Variants in PCDH9 observed in about 807,000 individuals in gnomAD.
PCDH9 encodes the protein protocadherin-9.
Under a neutral mutation model 70.6 loss-of-function variants are expected in PCDH9, and 24 were observed. That is an observed-to-expected ratio of 0.34 (90% CI 0.25 to 0.48). The LOEUF is 0.48. Among genes scored for constraint, PCDH9 ranks in the 20% least tolerant of loss-of-function variants. The pLI, the probability that PCDH9 is intolerant of heterozygous loss-of-function variation, is 0.99. For synonymous variants in PCDH9, 562 were observed against 558.5 expected (o/e 1.01, Z -0.09); for missense variants, 1,281 against 1,503.6 (o/e 0.85, Z 2.45).
At chr13:66,377,511 T>C (rs183620670) in intron 4 of PCDH9, among the ~76,000 whole-genome samples, 80 of 152,226 alleles carry the variant, frequency 5.3e-4, no homozygotes, top group African/African-American at 1.8e-3. Flanking sequence ...AAAAAAAAGA[T>C]ATGCTGAATT....
rs1955823482 is a variant in PCDH9 at position 66,325,315 on chromosome 13, T to C, written c.3341-20287A>G. ...CTATTAAGATGAGAAGGATAAGCGC[T>C]GGTCTTTAGGTCTCTAACTGATTGC... On this transcript the variant is annotated intron_variant, in intron 4 of 4. Transcript: ENST00000377865. Among the ~76,000 whole-genome samples the C allele has an allele frequency of 1.3e-5, 2 of 152,058 alleles. 1 individual carries two copies. The highest frequency in any genetic ancestry group is 4.1e-4 in the South Asian group (2 of 4,836).
intron 3 of PCDH9, among the ~76,000 whole-genome samples, chr13:66,802,197 A>G (rs2080337714): frequency 1.3e-5 from 2 of 151,886 alleles, no homozygotes; most frequent in South Asian, 2.1e-4. Context: ...AGTATTAATC[A>G]AAGTTTCATC....
At chr13:66,806,622 T>C (rs748468364) in intron 3 of PCDH9, among the ~76,000 whole-genome samples, 1 of 152,132 alleles carries the variant, frequency 6.6e-6, no homozygotes, top group Non-Finnish European at 1.5e-5. Flanking sequence ...AGCAGCATCG[T>C]TTCTGGGTTT....
chr13:66,451,403 C>T lies in PCDH9; in HGVS notation c.3341-146375G>A, dbSNP rs1355826171. Among the ~76,000 whole-genome samples, 4 of 152,132 alleles carry T rather than the reference C, an allele frequency of 2.6e-5. No individual in the cohort carries two copies. In the East Asian group the frequency reaches 7.7e-4, roughly 29 times the overall value. Reference sequence around the variant, plus strand: ...GGGGTCTATTATTTCAACAAATTTCCAAGGTAGCTGCTATGGGGATATTTT... The same window carrying T: ...GGGGTCTATTATTTCAACAAATTTCTAAGGTAGCTGCTATGGGGATATTTT... On this transcript the variant is annotated intron_variant, in intron 4 of 4. Coordinates refer to ENST00000377865, the MANE Select transcript of PCDH9 (RefSeq NM_203487.3).
At chr13:66,960,885 A>G (rs941401628) in intron 2 of PCDH9, among the ~76,000 whole-genome samples, 1 of 152,138 alleles carries the variant, frequency 6.6e-6, no homozygotes, top group African/African-American at 2.4e-5. Context: ...TTTTGTTTCT[A>G]TTGAAGGTTA....
chr13:66,737,605 G>A (rs2079173436), intron 3 of PCDH9, among the ~76,000 whole-genome samples: 1 of 152,192 alleles, frequency 6.6e-6, no homozygotes, highest in Non-Finnish European at 1.5e-5. Context: ...TCACTAGGGA[G>A]TGCCAGACAG....
At chr13:66,810,171 T>C (rs2080479007) in intron 3 of PCDH9, among the ~76,000 whole-genome samples, 1 of 152,184 alleles carries the variant, frequency 6.6e-6, no homozygotes. Flanking sequence ...ATTAGCCTTT[T>C]TTCTGTTAAC....
intron 4 of PCDH9, among the ~76,000 whole-genome samples, chr13:66,340,868 T>C (rs1045262159): frequency 6.6e-6 from 1 of 152,142 alleles, no homozygotes; most frequent in African/African-American, 2.4e-5. Context: ...GTAGATTTTC[T>C]GAATGCCTTA....
intron 4 of PCDH9, among the ~76,000 whole-genome samples, chr13:66,413,387 C>G (rs902798065): frequency 6.6e-6 from 1 of 152,058 alleles, no homozygotes; most frequent in African/African-American, 2.4e-5. Context: ...ATTAAATTGT[C>G]TAAGAATCCT....
At chr13:66,988,150 C>T (rs1317606310) in intron 2 of PCDH9, among the ~76,000 whole-genome samples, 1 of 151,898 alleles carries the variant, frequency 6.6e-6, no homozygotes, top group Non-Finnish European at 1.5e-5. Flanking sequence ...ATCCTTGCAC[C>T]TTGGGAACTT....
chr13:66,561,364 C>G (rs1488055136), intron 4 of PCDH9, among the ~76,000 whole-genome samples: 1 of 152,220 alleles, frequency 6.6e-6, no homozygotes, highest in Non-Finnish European at 1.5e-5. Flanking sequence ...CCCCTTGCTC[C>G]ACTGCACCCA....
intron 2 of PCDH9, among the ~76,000 whole-genome samples, chr13:66,959,173 C>T (rs1287034289): frequency 6.6e-6 from 1 of 151,970 alleles, no homozygotes; most frequent in East Asian, 1.9e-4. Context: ...ATAAAAACAC[C>T]TATTTGAAGG....
At chr13:66,654,648 AT>A (rs1382276849) in intron 3 of PCDH9, among the ~76,000 whole-genome samples, 1 of 152,128 alleles carries the variant, frequency 6.6e-6, no homozygotes, top group East Asian at 1.9e-4. Flanking sequence ...CTGAAAATTC[AT>A]TTGAGTTGAC....
At chr13:66,943,004 C>CTT (rs142364478) in intron 2 of PCDH9, among the ~76,000 whole-genome samples, 17,104 of 151,858 alleles carry the variant, frequency 0.11, 1,111 homozygotes, top group East Asian at 0.28. Flanking sequence ...AAACCTGAGG[C>CTT]TTTACTTAAC....
chr13:67,040,558 C>T (rs2085092098), intron 2 of PCDH9, among the ~76,000 whole-genome samples: 1 of 152,140 alleles, frequency 6.6e-6, no homozygotes, highest in Non-Finnish European at 1.5e-5. Flanking sequence ...CAGAACCCAA[C>T]CAGGCTGACA....
intron 3 of PCDH9, among the ~76,000 whole-genome samples, chr13:66,727,362 A>G (rs2079019009): frequency 6.6e-6 from 1 of 152,170 alleles, no homozygotes; most frequent in African/African-American, 2.4e-5. Flanking sequence ...AGGAGAGTTC[A>G]TGTTTTTAAT....
At chr13:67,223,373 G>A (rs1229448343) in intron 2 of PCDH9, 1 of 151,988 alleles carries the variant, frequency 6.6e-6, no homozygotes. Flanking sequence ...ACCACGTATA[G>A]ACAGAAAAAA....
In PCDH9 at chr13:66,903,524, TCTC is replaced by T. The variant is rs1385207307; in HGVS notation, c.3115_3117del (p.Glu1039del). 6.5e-7 allele frequency: 1 copy of T among 1,528,660 alleles called. No individual in the cohort carries two copies. Among genetic ancestry groups the T allele is most frequent in the East Asian group, 2.3e-5 (1 of 44,274 alleles). The allele number at this position is 1,528,660 out of a possible 1,614,324, so 94.7% of individuals were successfully genotyped here. A position where few individuals can be genotyped will look rare whatever the true frequency, so the allele number is the denominator to read the frequency against. On this transcript the variant is annotated inframe_deletion, in exon 3 of 5. Transcript: ENST00000377865. Reference sequence around the variant, plus strand: ...CATACCTCGTAATGGCTTTCTTCATTCTCCTGAATGTGGAAACCCGTGGAGCTG... The same window carrying T: ...CATACCTCGTAATGGCTTTCTTCATTCTGAATGTGGAAACCCGTGGAGCTG...
intron 3 of PCDH9, among the ~76,000 whole-genome samples, chr13:66,871,574 T>A (rs2081687388): frequency 6.6e-6 from 1 of 152,046 alleles, no homozygotes; most frequent in Non-Finnish European, 1.5e-5. Context: ...TGCTTATTAA[T>A]TATCACTTTT....
Sources: gnomAD v4.1 joint callset for allele counts (sites outside exome capture counted in the v4.1 genomes callset) on GRCh38, gnomAD v4.1.1 for gene constraint, MANE v1.5 for transcripts, NCBI Gene and HGNC (gene_info 2026-07-23, HGNC 2026-07-21) for gene names.